Variants in TLCD4 observed in about 807,000 individuals in gnomAD.
The protein encoded by TLCD4 is TLC domain-containing protein 4.
In TLCD4, 7 loss-of-function variants were observed where a neutral mutation model predicts 24.2. The ratio of observed to expected loss-of-function variants is 0.29; its 90% CI spans 0.16 to 0.54. The LOEUF is 0.54. Ranked by LOEUF, TLCD4 falls within the 20% of genes least tolerant of loss-of-function variation. TLCD4 has a pLI of 0.95. For synonymous variants in TLCD4, 103 were observed against 106.4 expected, an observed-to-expected ratio of 0.97 and a Z score of 0.20; for missense variants, 259 against 313.9, an observed-to-expected ratio of 0.82 and a Z score of 1.32.
At chr1:95,122,767 T>C (rs978398650) in intron 1 of TLCD4, among the ~76,000 whole-genome samples, 2 of 152,248 alleles carry the variant, frequency 1.3e-5, no homozygotes, top group African/African-American at 4.8e-5. Context: ...AATTTAACTT[T>C]AAAATTTTGG....
intron 1 of TLCD4, among the ~76,000 whole-genome samples, chr1:95,129,187 CA>C (rs1676822069): frequency 6.6e-6 from 1 of 151,950 alleles, no homozygotes. Context: ...ATCTGTAATC[CA>C]AAAAGATTGT....
intron 1 of TLCD4, among the ~76,000 whole-genome samples, chr1:95,139,352 C>T (rs1337384937): frequency 6.6e-6 from 1 of 151,420 alleles, no homozygotes; most frequent in African/African-American, 2.4e-5. Context: ...AAACACTGTA[C>T]ACTTAGGCAA....
chr1:95,137,707 T>G (rs1203047721), intron 1 of TLCD4, among the ~76,000 whole-genome samples: 1 of 151,698 alleles, frequency 6.6e-6, no homozygotes, highest in African/African-American at 2.4e-5. Context: ...CTCCTCTTCT[T>G]TTCTCTTTCC....
chr1:95,177,417 C>A (rs1376771766), intron 6 of TLCD4, among the ~76,000 whole-genome samples: 1 of 152,026 alleles, frequency 6.6e-6, no homozygotes, highest in Non-Finnish European at 1.5e-5. Flanking sequence ...AGAGCACTTA[C>A]CCTGAATGAA....
intron 6 of TLCD4, among the ~76,000 whole-genome samples, chr1:95,176,785 G>T (rs1289705189): frequency 1.3e-5 from 2 of 152,182 alleles, no homozygotes; most frequent in Non-Finnish European, 2.9e-5. Context: ...TTGGGCTTAT[G>T]TGTAGGTCTT....
chr1:95,135,918 A>G (rs1423035177), intron 1 of TLCD4, among the ~76,000 whole-genome samples: 1 of 151,836 alleles, frequency 6.6e-6, no homozygotes, highest in Non-Finnish European at 1.5e-5. Flanking sequence ...ATGGGGTTTC[A>G]CCATGTTGCA....
intron 6 of TLCD4, 169 bp downstream of exon 6, chr1:95,174,058 T>A: frequency 1.0e-6 from 1 of 1,002,724 alleles, no homozygotes; most frequent in Non-Finnish European, 1.4e-6. Context: ...AAGGTTAGAG[T>A]AACTTACCCA....
Position 95,151,414 on chromosome 1 carries a change from G to T in TLCD4, c.394G>T (p.Val132Leu), listed in dbSNP as rs770833359. The T allele has an allele frequency of 3.7e-6, 6 of 1,612,254 alleles. 1 individual carries two copies. The South Asian group carries it at 6.6e-5, about 18-fold the overall frequency. The change falls in exon 5 of 7, where the codon GTA becomes TTA. Residue 132 changes from valine (V) to leucine (L), a missense_variant. Transcript: ENST00000370203. ...HCASLYAYYLVLKNGVLAYIG... is the reference protein window; with the variant it reads ...HCASLYAYYLLLKNGVLAYIG... ...TGCGTCCCTGTATGCATACTACCTT[G>T]TACTGGTGAGTTCCAGGATTTTCTG...
At chr1:95,141,880 G>A (rs551740806) in intron 1 of TLCD4, among the ~76,000 whole-genome samples, 2 of 151,240 alleles carry the variant, frequency 1.3e-5, no homozygotes, top group South Asian at 4.2e-4. Context: ...TCTGATGGAA[G>A]GGGCCCTGTG....
intron 1 of TLCD4, among the ~76,000 whole-genome samples, chr1:95,137,095 A>C (rs1359016149): frequency 6.6e-6 from 1 of 152,026 alleles, no homozygotes; most frequent in Non-Finnish European, 1.5e-5. Flanking sequence ...TGCAGAGAAG[A>C]GGTTCAGGTA....
upstream of TLCD4, among the ~76,000 whole-genome samples, chr1:95,115,966 C>A (rs906895680): frequency 6.6e-6 from 1 of 152,118 alleles, no homozygotes; most frequent in African/African-American, 2.4e-5. Context: ...GTAGCTATTG[C>A]GCAAACCAAA....
chr1:95,093,588 AT>A, the TLCD4 span, among the ~76,000 whole-genome samples: 1 of 152,192 alleles, frequency 6.6e-6, no homozygotes, highest in Non-Finnish European at 1.5e-5. Flanking sequence ...GTCCACTCAG[AT>A]GTTTGGGTGT....
chr1:95,143,810 CA>C (rs2100936794), intron 1 of TLCD4, 80 bp from the exon 2 acceptor site: 1 of 1,226,802 alleles, frequency 8.2e-7, no homozygotes, highest in Admixed American at 3.2e-5. Context: ...ACTAAAATTA[CA>C]AGACATATTT....
At chr1:95,104,663 C>CAAAAAAAAAAA in the TLCD4 span, among the ~76,000 whole-genome samples, 17 of 40,600 alleles carry the variant, frequency 4.2e-4, 1 homozygote, top group African/African-American at 8.1e-4. Flanking sequence ...GACTCCGTCT[C>CAAAAAAAAAAA]AAAAAAAAAA....
At chr1:95,094,333 C>T in the TLCD4 span, among the ~76,000 whole-genome samples, 1 of 151,118 alleles carries the variant, frequency 6.6e-6, no homozygotes, top group African/African-American at 2.4e-5. Context: ...GATGGAGTCT[C>T]ACTGTTTCCC....
chr1:95,112,594 A>T (rs1391412107), upstream of TLCD4, among the ~76,000 whole-genome samples: 1 of 152,206 alleles, frequency 6.6e-6, no homozygotes, highest in East Asian at 1.9e-4. Context: ...CAATGGCAAC[A>T]CTGGAAAAAT....
chr1:95,130,254 G>A (rs952103548), intron 1 of TLCD4, among the ~76,000 whole-genome samples: 6 of 146,946 alleles, frequency 4.1e-5, no homozygotes, highest in Admixed American at 6.9e-5. Flanking sequence ...CCAGGTTCAA[G>A]GGATTCTCCT....
chr1:95,173,318 T>TG (rs917184799), intron 5 of TLCD4, among the ~76,000 whole-genome samples: 39 of 152,154 alleles, frequency 2.6e-4, no homozygotes, highest in African/African-American at 7.5e-4. Flanking sequence ...ATCATTCTTT[T>TG]TTTTTTTTTG....
rs924717964 is a variant in TLCD4 at position 95,125,977 on chromosome 1, C to T, written c.-12+8360C>T. Among the ~76,000 whole-genome samples, 17 of 120,450 alleles carry T rather than the reference C, an allele frequency of 1.4e-4. 1 individual carries two copies. Among genetic ancestry groups the T allele is most frequent in the Admixed American group, 5.8e-4 (6 of 10,350 alleles). 79.0% of individuals were successfully genotyped at this position (120,450 alleles called of 152,430 possible). A position where few individuals can be genotyped will look rare whatever the true frequency, so the allele number is the denominator to read the frequency against. On this transcript the variant is annotated intron_variant, in intron 1 of 6. Transcript: ENST00000370203. ...GACAAGCCTGGACAACATAATGAGA[C>T]GCCATCTCTATTAAAAAAAAAAAAG... is the stretch of plus-strand genomic sequence containing the variant.
Sources: allele counts gnomAD v4.1 joint callset (sites outside exome capture counted in the v4.1 genomes callset), GRCh38; gene constraint gnomAD v4.1.1; transcripts MANE v1.5; gene names NCBI Gene and HGNC (gene_info 2026-07-23, HGNC 2026-07-21).